The following SORBS2 variants were observed in gnomAD, a reference collection of about 807,000 sequenced individuals.
The protein encoded by SORBS2 is sorbin and SH3 domain-containing protein 2.
A neutral mutation model predicts 97.7 loss-of-function variants in SORBS2; 46 were observed. That is an observed-to-expected ratio of 0.47 (90% CI 0.37 to 0.60). SORBS2 has a LOEUF of 0.60. Among genes scored for constraint, SORBS2 ranks in the 20% least tolerant of loss-of-function variants. SORBS2 has a pLI of 0.00. For synonymous variants in SORBS2, 476 were observed against 473.4 expected, an observed-to-expected ratio of 1.01 and a Z score of -0.07; for missense variants, 1,316 against 1,282.3, an observed-to-expected ratio of 1.03 and a Z score of -0.40.
chr4:185,617,600 T>C (rs1188249295), intron 9 of SORBS2, among the ~76,000 whole-genome samples: 1 of 152,176 alleles, frequency 6.6e-6, no homozygotes, highest in Non-Finnish European at 1.5e-5. Flanking sequence ...ATATCTGTCT[T>C]GAATTCTACT....
exon 12 of SORBS2, chr4:185,611,903 G>A (rs368308450): frequency 6.2e-7 from 1 of 1,613,516 alleles, no homozygotes; most frequent in African/African-American, 1.3e-5. Flanking sequence ...CAGGGAAGAT[G>A]CCTTGTCTGT....
chr4:185,599,100 C>CA (rs1335251314), intron 12 of SORBS2, among the ~76,000 whole-genome samples: 1 of 152,164 alleles, frequency 6.6e-6, no homozygotes, highest in African/African-American at 2.4e-5. Flanking sequence ...CTATGCAATG[C>CA]AAAAAGCACA....
chr4:185,771,255 T>G (rs1359103894), intron 2 of SORBS2: 1 of 152,106 alleles, frequency 6.6e-6, no homozygotes, highest in Non-Finnish European at 1.5e-5. Flanking sequence ...CCTCCCAACG[T>G]GCTGGGGTTA....
chr4:185,803,177 G>A (rs2099138514), intron 1 of SORBS2, among the ~76,000 whole-genome samples: 1 of 152,076 alleles, frequency 6.6e-6, no homozygotes, highest in African/African-American at 2.4e-5. Context: ...CTCACAGGCT[G>A]GGCTAAAGGC....
intron 1 of SORBS2, among the ~76,000 whole-genome samples, chr4:185,925,627 A>T (rs1332031902): frequency 1.3e-5 from 2 of 152,194 alleles, no homozygotes; most frequent in African/African-American, 4.8e-5. Flanking sequence ...TGACTGTTAA[A>T]TGTCAGACAT....
chr4:185,651,309 G>A (rs1460719155), intron 2 of SORBS2, among the ~76,000 whole-genome samples: 1 of 152,240 alleles, frequency 6.6e-6, no homozygotes, highest in Non-Finnish European at 1.5e-5. Flanking sequence ...AGTCAGAAAA[G>A]TGGCCCCGCC....
intron 2 of SORBS2, among the ~76,000 whole-genome samples, chr4:185,761,297 T>C (rs1480435484): frequency 6.6e-6 from 1 of 152,240 alleles, no homozygotes; most frequent in African/African-American, 2.4e-5. Flanking sequence ...TAAGTTTTTC[T>C]CCAAAGTCAC....
rs576502379 is a variant in SORBS2, at chr4:185,717,136, G to A, written c.-197-38314C>T. Among the ~76,000 whole-genome samples the A allele has an allele frequency of 5.9e-5, 9 of 152,318 alleles. No homozygotes were observed. The East Asian group carries it at 1.2e-3, about 20-fold the overall frequency. ...ATACTGAGAAGAGCTCGTGGCTGGC[G>A]TGGGAGCGCCGCTGTCTTCAAACCT... On this transcript the variant is annotated intron_variant, in intron 2 of 20. Transcript: ENST00000284776.
intron 1 of SORBS2, among the ~76,000 whole-genome samples, chr4:185,878,565 C>A (rs949066072): frequency 2.6e-5 from 4 of 152,150 alleles, no homozygotes; most frequent in African/African-American, 9.7e-5. Flanking sequence ...CGCTAAGGAC[C>A]TGCTGAATAG....
intron 1 of SORBS2, chr4:185,919,511 G>A (rs983469297): frequency 1.5e-4 from 23 of 152,130 alleles, no homozygotes; most frequent in African/African-American, 5.3e-4. Flanking sequence ...CTCTTCCCAA[G>A]CATTTGATAA....
At chr4:185,609,445 C>T (rs187782383) in intron 12 of SORBS2, among the ~76,000 whole-genome samples, 53 of 152,348 alleles carry the variant, frequency 3.5e-4, no homozygotes, top group African/African-American at 1.3e-3. Flanking sequence ...GCTGCGACTA[C>T]GCTGTGCCGT....
At chr4:185,795,739 A>G (rs965969880) in intron 1 of SORBS2, among the ~76,000 whole-genome samples, 1 of 152,156 alleles carries the variant, frequency 6.6e-6, no homozygotes, top group African/African-American at 2.4e-5. Flanking sequence ...TTGCTGCTCA[A>G]TATATTTCTA....
intron 1 of SORBS2, among the ~76,000 whole-genome samples, chr4:185,954,899 C>T (rs1350002287): frequency 6.6e-6 from 1 of 152,108 alleles, no homozygotes; most frequent in Non-Finnish European, 1.5e-5. Context: ...TGGCAGTGAG[C>T]AGAGACCTTG....
At chr4:185,955,028 T>G (rs1032958199) in intron 1 of SORBS2, among the ~76,000 whole-genome samples, 7 of 152,150 alleles carry the variant, frequency 4.6e-5, no homozygotes, top group African/African-American at 1.4e-4. Flanking sequence ...CCTTAATATG[T>G]CCCTTCTTTT....
At chr4:185,628,218 T>C (rs983441905) in intron 5 of SORBS2, among the ~76,000 whole-genome samples, 13 of 152,182 alleles carry the variant, frequency 8.5e-5, no homozygotes, top group Non-Finnish European at 1.6e-4. Flanking sequence ...TAGTGTAATA[T>C]GTTGATTGAG....
intron 1 of SORBS2, among the ~76,000 whole-genome samples, chr4:185,923,097 G>A (rs1579512567): frequency 1.3e-5 from 2 of 152,092 alleles, no homozygotes; most frequent in East Asian, 3.9e-4. Flanking sequence ...GCATTAAAGG[G>A]GATAATCTGT....
chr4:185,651,992 G>A (rs551831774), intron 2 of SORBS2, among the ~76,000 whole-genome samples, 164 bp from the exon 11 acceptor site: 1 of 151,852 alleles, frequency 6.6e-6, no homozygotes, highest in African/African-American at 2.4e-5. Context: ...TAAGAGACAG[G>A]GTTTTACCCT....
intron 2 of SORBS2, among the ~76,000 whole-genome samples, chr4:185,769,134 G>C (rs991730777): frequency 1.3e-5 from 2 of 152,108 alleles, no homozygotes; most frequent in Non-Finnish European, 2.9e-5. Context: ...AGGCACATGG[G>C]AGACTGGAGA....
intron 2 of SORBS2, among the ~76,000 whole-genome samples, chr4:185,738,404 A>C (rs1351012121): frequency 6.6e-6 from 1 of 152,238 alleles, no homozygotes; most frequent in Non-Finnish European, 1.5e-5. Flanking sequence ...AGCCGATCCC[A>C]GCCCGGAGAT....
Sources: gnomAD v4.1 joint callset for allele counts (sites outside exome capture counted in the v4.1 genomes callset) on GRCh38, gnomAD v4.1.1 for gene constraint, MANE v1.5 for transcripts, NCBI Gene and HGNC (gene_info 2026-07-23, HGNC 2026-07-21) for gene names.